The following FBXL7 variants were observed in gnomAD, a reference collection of about 807,000 sequenced individuals.
FBXL7 encodes F-box and leucine rich repeat protein 7, also known as F-box/LRR-repeat protein 7.
A neutral mutation model predicts 38.3 loss-of-function variants in FBXL7; 12 were observed. The ratio of observed to expected loss-of-function variants is 0.31; its 90% CI spans 0.20 to 0.51. FBXL7 has a LOEUF of 0.51. FBXL7 is among the 20% of genes least tolerant of loss of function. The pLI is 0.98. For synonymous variants in FBXL7, 297 were observed against 300.9 expected (o/e 0.99, Z 0.13); for missense variants, 567 against 676.4 (o/e 0.84, Z 1.79).
chr5:15,633,546 A>T (rs1339068456), intron 2 of FBXL7, among the ~76,000 whole-genome samples: 1 of 151,546 alleles, frequency 6.6e-6, no homozygotes, highest in Admixed American at 6.6e-5. Flanking sequence ...TTTCTGTTTT[A>T]TATACATTTC....
intron 2 of FBXL7, among the ~76,000 whole-genome samples, chr5:15,707,549 ATCTGCCAGGT>A (rs1480753509): frequency 6.6e-6 from 1 of 152,180 alleles, no homozygotes. Context: ...AGACGTTTGC[ATCTGCCAGGT>A]TGAAGCCAGG....
chr5:15,635,786 C>T (rs908657751), intron 2 of FBXL7, among the ~76,000 whole-genome samples: 1 of 152,166 alleles, frequency 6.6e-6, no homozygotes, highest in African/African-American at 2.4e-5. Flanking sequence ...GAGGACAAAC[C>T]TGCTCAGACG....
At chr5:15,881,633 C>CTATAATATA (rs1380880738) in intron 2 of FBXL7, among the ~76,000 whole-genome samples, 2 of 152,134 alleles carry the variant, frequency 1.3e-5, no homozygotes, top group East Asian at 3.9e-4. Context: ...TATTAGTTTA[C>CTATAATATA]ATTCCCACCA....
chr5:15,786,768 A>T (rs1737143055), intron 2 of FBXL7, among the ~76,000 whole-genome samples: 1 of 152,232 alleles, frequency 6.6e-6, no homozygotes. Flanking sequence ...GTACGGGTGG[A>T]TGCAAAGATG....
intron 2 of FBXL7, among the ~76,000 whole-genome samples, chr5:15,826,448 T>A (rs1330631895): frequency 1.3e-5 from 2 of 152,194 alleles, no homozygotes; most frequent in East Asian, 1.9e-4. Context: ...AGACAAAGTC[T>A]CACTCTGTCA....
intron 2 of FBXL7, among the ~76,000 whole-genome samples, chr5:15,627,505 A>G (rs1299962766): frequency 6.6e-6 from 1 of 152,230 alleles, no homozygotes; most frequent in Non-Finnish European, 1.5e-5. Context: ...GAATAGGCTC[A>G]CAAAGTGTGT....
intron 1 of FBXL7, among the ~76,000 whole-genome samples, chr5:15,595,802 AAGG>A (rs1186831229): frequency 6.6e-6 from 1 of 152,170 alleles, no homozygotes; most frequent in African/African-American, 2.4e-5. Context: ...GTAAAAATCT[AAGG>A]AGATGATGTG....
chr5:15,562,579 A>T (rs528319616), intron 1 of FBXL7, among the ~76,000 whole-genome samples: 18 of 152,136 alleles, frequency 1.2e-4, no homozygotes, highest in African/African-American at 4.3e-4. Context: ...AGAATTGCCC[A>T]TGTTGCAGCC....
intron 1 of FBXL7, among the ~76,000 whole-genome samples, chr5:15,593,336 C>A (rs1739534059): frequency 6.6e-6 from 1 of 152,082 alleles, no homozygotes; most frequent in African/African-American, 2.4e-5. Flanking sequence ...CCTGCCTGGC[C>A]AACATTGTGA....
At chr5:15,620,684 A>T (rs1395905700) in intron 2 of FBXL7, among the ~76,000 whole-genome samples, 1 of 152,160 alleles carries the variant, frequency 6.6e-6, no homozygotes, top group Non-Finnish European at 1.5e-5. Context: ...CAGATGCTCC[A>T]GCTCTGGGGC....
intron 2 of FBXL7, among the ~76,000 whole-genome samples, chr5:15,631,400 A>G (rs999967592): frequency 3.3e-5 from 5 of 152,286 alleles, no homozygotes; most frequent in Non-Finnish European, 7.4e-5. Flanking sequence ...TTTATTAAAT[A>G]TTGAAGAAGT....
intron 2 of FBXL7, among the ~76,000 whole-genome samples, chr5:15,631,434 G>A (rs1189437499): frequency 2.6e-5 from 4 of 151,960 alleles, no homozygotes; most frequent in Admixed American, 1.3e-4. Flanking sequence ...GGTGGCTCAC[G>A]CCTGTAATCC....
intron 2 of FBXL7, among the ~76,000 whole-genome samples, chr5:15,688,722 C>G (rs1181076515): frequency 6.6e-6 from 1 of 152,160 alleles, no homozygotes; most frequent in Non-Finnish European, 1.5e-5. Context: ...TGTTGTGTCC[C>G]CAAGGCTGAA....
rs572514256 is a variant in FBXL7 at position 15,885,451 on chromosome 5, G to T, written c.128-42439G>T. Among the ~76,000 whole-genome samples, 4 of 152,290 alleles carry T rather than the reference G, an allele frequency of 2.6e-5. No homozygotes were observed. In the East Asian group the frequency reaches 7.7e-4, roughly 29 times the overall value. Reference sequence around the variant, plus strand: ...CCAATCCACACACTCCAGGGGATGTGATTACACAAGTATATAAATTCCAGA... The same window carrying T: ...CCAATCCACACACTCCAGGGGATGTTATTACACAAGTATATAAATTCCAGA... On this transcript the variant is annotated intron_variant, in intron 2 of 3. Coordinates refer to ENST00000504595, the MANE Select transcript of FBXL7 (RefSeq NM_012304.5).
chr5:15,874,174 G>A (rs1301165710), intron 2 of FBXL7, among the ~76,000 whole-genome samples: 3 of 152,134 alleles, frequency 2.0e-5, no homozygotes, highest in Non-Finnish European at 1.5e-5. Flanking sequence ...AAAACCACAT[G>A]ATTATCTCAA....
At chr5:15,662,898 T>C (rs1017085968) in intron 2 of FBXL7, among the ~76,000 whole-genome samples, 6 of 152,262 alleles carry the variant, frequency 3.9e-5, no homozygotes, top group African/African-American at 1.4e-4. Context: ...TTTTGGTTAC[T>C]GTAATCCTGT....
chr5:15,852,616 T>C (rs2126796081), intron 2 of FBXL7, among the ~76,000 whole-genome samples: 1 of 152,242 alleles, frequency 6.6e-6, no homozygotes, highest in East Asian at 1.9e-4. Context: ...AGAAGCTACA[T>C]ACTGACTGCT....
chr5:15,658,220 G>A (rs1411738743), intron 2 of FBXL7, among the ~76,000 whole-genome samples: 1 of 152,112 alleles, frequency 6.6e-6, no homozygotes, highest in Non-Finnish European at 1.5e-5. Flanking sequence ...GCAACTGAGT[G>A]CTTCTCCTTG....
chr5:15,545,946 AC>A (rs1307972210), intron 1 of FBXL7, among the ~76,000 whole-genome samples: 14 of 152,332 alleles, frequency 9.2e-5, no homozygotes, highest in Non-Finnish European at 1.5e-4. Context: ...TGGCTACTGA[AC>A]ATTTGAGATG....
Sources: gnomAD v4.1 joint callset for allele counts (sites outside exome capture counted in the v4.1 genomes callset) on GRCh38, gnomAD v4.1.1 for gene constraint, MANE v1.5 for transcripts, NCBI Gene and HGNC (gene_info 2026-07-23, HGNC 2026-07-21) for gene names.